CTNND2: variants seen among roughly 807,000 people sequenced by gnomAD.
The protein encoded by CTNND2 is catenin delta 2, also known as catenin delta-2.
In CTNND2, 22 loss-of-function variants were observed where a neutral mutation model predicts 144.4. That is an observed-to-expected ratio of 0.15 (90% CI 0.11 to 0.22). CTNND2 has a LOEUF of 0.22. Ranked by LOEUF, CTNND2 falls within the 10% of genes least tolerant of loss-of-function variation. The pLI, the probability that CTNND2 is intolerant of heterozygous loss-of-function variation, is 1.00. For missense variants in CTNND2, 1,353 were observed against 1,618.8 expected, an observed-to-expected ratio of 0.84 and a Z score of 2.82; for synonymous variants, 751 against 695.6, an observed-to-expected ratio of 1.08 and a Z score of -1.25.
At position 11,411,609 on chromosome 5, in the gene CTNND2, C is replaced by A. The variant is rs1328718550; in HGVS notation, c.366G>T (p.Glu122Asp). 6.2e-7 allele frequency: 1 copy of A among 1,612,794 alleles called. No individual in the cohort carries two copies. Among genetic ancestry groups the A allele is most frequent in the Non-Finnish European group, 8.5e-7 (1 of 1,179,164 alleles). Reference sequence around the variant, plus strand: ...GTGACCTAATACAGGAGTCCACCAGCTCGAGACCTGTTGTAAGCTCATCTT... The same window carrying A: ...GTGACCTAATACAGGAGTCCACCAGATCGAGACCTGTTGTAAGCTCATCTT... ...DIEDELTTGL[E>D]LVDSCIRSLQ... The change falls in exon 5 of 22, where the codon GAG becomes GAT. Residue 122 changes from glutamate to aspartate, a missense_variant. Glu to Asp is a conservative substitution (Grantham distance 45). Around this residue, in one of 4 missense-constraint regions of CTNND2, gnomAD observed 708 missense variants for 706.4 expected, o/e 1.00. Transcript: ENST00000304623.
chr5:11,118,047 ATAG>A, intron 12 of CTNND2, among the ~76,000 whole-genome samples: 1 of 152,246 alleles, frequency 6.6e-6, no homozygotes, highest in South Asian at 2.1e-4. Context: ...TTCTAAGGAC[ATAG>A]TTAGAGGTTT....
At chr5:10,999,036 C>T (rs1739652383) in intron 18 of CTNND2, among the ~76,000 whole-genome samples, 1 of 152,176 alleles carries the variant, frequency 6.6e-6, no homozygotes, top group South Asian at 2.1e-4. Flanking sequence ...TGGCATAGAT[C>T]AATCACCACT....
chr5:11,614,130 G>C (rs1780468259), intron 2 of CTNND2, among the ~76,000 whole-genome samples: 1 of 151,984 alleles, frequency 6.6e-6, no homozygotes, highest in Non-Finnish European at 1.5e-5. Context: ...TTATTTTGAA[G>C]GTAACTTGCT....
At chr5:11,131,799 A>C (rs563077744) in intron 12 of CTNND2, among the ~76,000 whole-genome samples, 5 of 152,294 alleles carry the variant, frequency 3.3e-5, no homozygotes, top group Non-Finnish European at 7.4e-5. Context: ...AAAAAAAAAA[A>C]CAAAAAACTT....
intron 3 of CTNND2, among the ~76,000 whole-genome samples, chr5:11,524,202 G>A (rs1487199384): frequency 4.6e-5 from 7 of 151,932 alleles, no homozygotes; most frequent in Non-Finnish European, 7.4e-5. Context: ...ACCTTCCCAC[G>A]TCCCCTCCAC....
intron 3 of CTNND2, among the ~76,000 whole-genome samples, chr5:11,527,820 A>G (rs1245489458): frequency 1.3e-5 from 2 of 152,218 alleles, no homozygotes; most frequent in Non-Finnish European, 2.9e-5. Flanking sequence ...AACAGTGGAC[A>G]CACAGGCGTG....
At chr5:11,336,753 GTA>G (rs1375743223) in intron 9 of CTNND2, among the ~76,000 whole-genome samples, 2 of 152,094 alleles carry the variant, frequency 1.3e-5, no homozygotes, top group Admixed American at 1.3e-4. Context: ...AATTATGTGT[GTA>G]TATGTATGTA....
intron 2 of CTNND2, among the ~76,000 whole-genome samples, chr5:11,602,763 T>C (rs1779868081): frequency 6.9e-6 from 1 of 145,380 alleles, no homozygotes; most frequent in South Asian, 2.1e-4. Flanking sequence ...AGATATATTA[T>C]TAATAGATAT....
chr5:11,764,898 T>C (rs766458065), intron 1 of CTNND2, among the ~76,000 whole-genome samples: 36 of 151,828 alleles, frequency 2.4e-4, no homozygotes, highest in Non-Finnish European at 4.1e-4. Flanking sequence ...CAAACTTACA[T>C]GTATGAAAAA....
chr5:11,112,846 A>G (rs1326351112), intron 13 of CTNND2, among the ~76,000 whole-genome samples: 2 of 152,140 alleles, frequency 1.3e-5, no homozygotes, highest in East Asian at 1.9e-4. Flanking sequence ...GGTCATATTA[A>G]CAGTATCATG....
chr5:11,203,431 T>TTTTTGTTTTG (rs563015091), intron 10 of CTNND2, among the ~76,000 whole-genome samples: 16 of 151,878 alleles, frequency 1.1e-4, no homozygotes, highest in African/African-American at 3.6e-4. Context: ...TGCAAAATTG[T>TTTTTGTTTTG]TTTTGTTTTG....
chr5:11,466,303 T>C (rs576488996), intron 3 of CTNND2, among the ~76,000 whole-genome samples: 3 of 152,298 alleles, frequency 2.0e-5, no homozygotes, highest in East Asian at 3.9e-4. Flanking sequence ...GACTGTTCCA[T>C]TGTACAGTCA....
chr5:11,277,794 G>A (rs940570136), intron 9 of CTNND2, among the ~76,000 whole-genome samples: 2 of 152,034 alleles, frequency 1.3e-5, no homozygotes, highest in South Asian at 2.1e-4. Context: ...GGCCTCCCAA[G>A]TGCTGGGATT....
intron 2 of CTNND2, among the ~76,000 whole-genome samples, chr5:11,669,114 C>T (rs180781232): frequency 4.8e-4 from 73 of 152,202 alleles, no homozygotes; most frequent in Admixed American, 9.2e-4. Flanking sequence ...GGGATGAAGC[C>T]GACTTGATCG....
At chr5:11,434,130 C>T (rs933169124) in intron 3 of CTNND2, among the ~76,000 whole-genome samples, 1 of 152,174 alleles carries the variant, frequency 6.6e-6, no homozygotes, top group African/African-American at 2.4e-5. Flanking sequence ...CAATAGAAAG[C>T]TACTCAGCAA....
intron 1 of CTNND2, among the ~76,000 whole-genome samples, chr5:11,764,703 T>C (rs1789479777): frequency 6.6e-6 from 1 of 152,202 alleles, no homozygotes; most frequent in Admixed American, 6.5e-5. Flanking sequence ...CTGATACAGT[T>C]CAGTCAGCTC....
chr5:11,448,460 G>A (rs1405235974), intron 3 of CTNND2, among the ~76,000 whole-genome samples: 4 of 151,976 alleles, frequency 2.6e-5, no homozygotes, highest in South Asian at 2.1e-4. Context: ...CAAGTCTTTC[G>A]GGGAGGTTAT....
At chr5:11,519,802 T>C (rs1772548329) in intron 3 of CTNND2, among the ~76,000 whole-genome samples, 1 of 152,016 alleles carries the variant, frequency 6.6e-6, no homozygotes, top group Admixed American at 6.6e-5. Context: ...CCCTCCTTTC[T>C]GAGAAAACTG....
intron 9 of CTNND2, among the ~76,000 whole-genome samples, chr5:11,301,397 G>A (rs1165119965): frequency 1.3e-5 from 2 of 152,024 alleles, no homozygotes; most frequent in Non-Finnish European, 2.9e-5. Context: ...AAATGAACTA[G>A]GGAAAAAACA....
Sources: gnomAD v4.1 joint callset for allele counts (sites outside exome capture counted in the v4.1 genomes callset) on GRCh38, gnomAD v4.1.1 for gene constraint, gnomAD v4.1.1 regional missense constraint, MANE v1.5 for transcripts, NCBI Gene and HGNC (gene_info 2026-07-23, HGNC 2026-07-21) for gene names.